ITPKA: variants seen among roughly 807,000 people sequenced by gnomAD.
The protein encoded by ITPKA is IP3 3-kinase A.
ITPKA carries 16 observed loss-of-function variants against 40.7 expected under a neutral mutation model. The observed-to-expected ratio is 0.39, with a 90% CI of 0.27 to 0.60. The LOEUF is 0.60. Among genes scored for constraint, ITPKA ranks in the 20% least tolerant of loss-of-function variants. The pLI, the probability that ITPKA is intolerant of heterozygous loss-of-function variation, is 0.50. For missense variants in ITPKA, 540 were observed against 649.3 expected (o/e 0.83, Z 1.83); for synonymous variants, 313 against 289.9 (o/e 1.08, Z -0.81).
chr15:41,495,620 C>T (rs1050057826), intron 1 of ITPKA, among the ~76,000 whole-genome samples: 2 of 152,132 alleles, frequency 1.3e-5, no homozygotes. Flanking sequence ...CCCCTTCTTC[C>T]CCGGTGGTCA....
At chr15:41,496,331 C>T (rs2051071096) in intron 1 of ITPKA, among the ~76,000 whole-genome samples, 3 of 152,234 alleles carry the variant, frequency 2.0e-5, no homozygotes, top group African/African-American at 7.2e-5. Context: ...ACGCGCGGCC[C>T]AGGCAGGCCG....
chr15:41,502,043 C>G lies in ITPKA; in HGVS notation c.850C>G (p.Leu284Val). The change falls in exon 4 of 7, where the codon CTG (leucine) becomes GTG (valine). Residue 284 changes from leucine to valine, a missense_variant. Leu to Val is a conservative substitution (Grantham distance 32). Coordinates refer to ENST00000260386, the MANE Select transcript of ITPKA (RefSeq NM_002220.3). The stretch of plus-strand genomic sequence containing the variant: ...GACCAAGGCCCGTGAGCGGCCCAAG[C>G]TGCGGAAGGACATGTACAAGAAAAT... ...ELTKARERPK[L>V]RKDMYKKMLA... 6.2e-7 allele frequency: 1 copy of G among 1,613,392 alleles called. No homozygotes were observed. The highest frequency in any genetic ancestry group is 8.5e-7 in the Non-Finnish European group (1 of 1,179,950).
chr15:41,503,215 A>T lies in ITPKA; in HGVS notation c.*49A>T. ...CCGCTCACCTGACATGTGGACCTGC[A>T]GCTTTGTCCCCACTGTGCATGCCGG... On this transcript the variant is annotated 3_prime_UTR_variant, in exon 7 of 7. Coordinates refer to ENST00000260386, the MANE Select transcript of ITPKA (RefSeq NM_002220.3). 7.3e-7 allele frequency: 1 copy of T among 1,378,668 alleles called. No homozygotes were observed. The highest frequency in any genetic ancestry group is 2.1e-5 in the Admixed American group (1 of 48,778). The allele number at this position is 1,378,668 out of a possible 1,614,324, so 85.4% of individuals were successfully genotyped here.
intron 1 of ITPKA, among the ~76,000 whole-genome samples, chr15:41,495,045 G>C (rs1356673797): frequency 6.6e-6 from 1 of 152,230 alleles, no homozygotes; most frequent in African/African-American, 2.4e-5. Flanking sequence ...CGCCGCTCCT[G>C]AGCGCGGCAG....
rs55638544 is a variant in ITPKA, at chr15:41,494,627, C to T, written c.489+211C>T. Among the ~76,000 whole-genome samples the T allele has an allele frequency of 0.011, 1,703 of 152,156 alleles. 23 individuals carry two copies. Among genetic ancestry groups the T allele is most frequent in the Non-Finnish European group, 0.017 (1,163 of 67,980 alleles). On this transcript the variant is annotated intron_variant, in intron 1 of 6. Coordinates refer to ENST00000260386, the MANE Select transcript of ITPKA (RefSeq NM_002220.3). The surrounding 1 kb of genome is among the most constrained non-coding windows in gnomAD (Gnocchi z 7.8). The stretch of plus-strand genomic sequence containing the variant: ...CCTCGGCTCCGCCGGCGGGTCGTGG[C>T]GCTGGCCCTGGGGCGTCTAAGAAGC...
At chr15:41,497,716 A>G (rs1020197803) in intron 1 of ITPKA, among the ~76,000 whole-genome samples, 5 of 152,116 alleles carry the variant, frequency 3.3e-5, no homozygotes, top group African/African-American at 1.2e-4. Flanking sequence ...AGATGAGATA[A>G]TAGGTATGAA....
chr15:41,499,890 A>C (rs1042891985), intron 1 of ITPKA, among the ~76,000 whole-genome samples: 2 of 152,122 alleles, frequency 1.3e-5, no homozygotes, highest in African/African-American at 4.8e-5. Flanking sequence ...AAAACAAAAA[A>C]CAAAAAACAA....
intron 4 of ITPKA, 83 bp from the exon 5 acceptor site, chr15:41,502,319 C>A: frequency 1.4e-6 from 2 of 1,387,040 alleles, no homozygotes; most frequent in Non-Finnish European, 2.0e-6. Context: ...CCGTCCCCTG[C>A]AACTGGGAGG....
At chr15:41,502,937 G>C in intron 6 of ITPKA, 26 bp from the exon 7 acceptor site, 1 of 1,596,826 alleles carries the variant, frequency 6.3e-7, no homozygotes, top group Non-Finnish European at 8.5e-7. Context: ...GGGCAGGGCC[G>C]CGGCCTGACG....
At chr15:41,501,384 C>T (rs1221977659) in intron 1 of ITPKA, 79 bp from the exon 2 acceptor site, 14 of 1,533,768 alleles carry the variant, frequency 9.1e-6, no homozygotes, top group Non-Finnish European at 1.2e-5. Context: ...GGGGGCGTGG[C>T]GAGACCCTGT....
In ITPKA at chr15:41,494,280, G is replaced by T; in HGVS notation, c.353G>T (p.Arg118Leu). 6.5e-7 allele frequency: 1 copy of T among 1,547,942 alleles called. No individual in the cohort carries two copies. Among genetic ancestry groups the T allele is most frequent in the Non-Finnish European group, 8.7e-7 (1 of 1,154,716 alleles). ...AAGSSHLQQP[R>L]RLSTSSVSST... ...GGCTCTTCGCACCTGCAGCAGCCGC[G>T]CCGCCTTTCCACCTCGTCGGTCTCC... Residue 118 changes from arginine to leucine, a missense_variant, in exon 1 of 7, where the codon CGC (arginine) becomes CTC (leucine). Coordinates refer to ENST00000260386, the MANE Select transcript of ITPKA (RefSeq NM_002220.3). The surrounding 1 kb of genome is among the most constrained non-coding windows in gnomAD (Gnocchi z 7.8).
At chr15:41,501,903 C>T (rs1158789116) in intron 3 of ITPKA, 52 bp downstream of exon 3, 3 of 1,594,364 alleles carry the variant, frequency 1.9e-6, no homozygotes, top group Non-Finnish European at 2.6e-6. Flanking sequence ...GGTCCGGGGC[C>T]GGGACAGCTG....
chr15:41,499,091 A>G (rs1046054593), intron 1 of ITPKA, among the ~76,000 whole-genome samples: 1 of 152,220 alleles, frequency 6.6e-6, no homozygotes, highest in Non-Finnish European at 1.5e-5. Context: ...GCTGCTGAAT[A>G]TACATGGCAC....
chr15:41,496,634 C>T (rs2051074383), intron 1 of ITPKA, among the ~76,000 whole-genome samples: 1 of 152,194 alleles, frequency 6.6e-6, no homozygotes, highest in African/African-American at 2.4e-5. Flanking sequence ...TCCTGTTCAT[C>T]TGGTTTTCTT....
At chr15:41,496,919 T>C (rs1007633854) in intron 1 of ITPKA, among the ~76,000 whole-genome samples, 10 of 152,080 alleles carry the variant, frequency 6.6e-5, no homozygotes, top group African/African-American at 2.4e-4. Context: ...GGTATTGGGC[T>C]GGTAGAGAGC....
intron 4 of ITPKA, 79 bp downstream of exon 4, chr15:41,502,280 C>CT: frequency 7.4e-7 from 1 of 1,350,764 alleles, no homozygotes. Flanking sequence ...CCCGCCCCGC[C>CT]TGCCCCTCCG....
Position 41,494,928 on chromosome 15 carries a change from C to T in ITPKA, c.489+512C>T, listed in dbSNP as rs1477560250. Among the ~76,000 whole-genome samples, 1 of 152,224 alleles carries T rather than the reference C, an allele frequency of 6.6e-6. No individual in the cohort carries two copies. The highest frequency in any genetic ancestry group is 1.5e-5 in the Non-Finnish European group (1 of 68,036). On this transcript the variant is annotated intron_variant, in intron 1 of 6. Transcript: ENST00000260386. This position sits in a 1 kb window ranked among gnomAD's most constrained non-coding sequence, Gnocchi z 7.8. ...GCCGCTGCCGTCTGCTCCCAGCGCC[C>T]GCACGAGGCGTGGACGCAGGGGAGG...
At chr15:41,496,226 T>G (rs1046221693) in intron 1 of ITPKA, among the ~76,000 whole-genome samples, 3 of 152,170 alleles carry the variant, frequency 2.0e-5, no homozygotes, top group Non-Finnish European at 4.4e-5. Flanking sequence ...CCAGGCCAAT[T>G]TAGGGCTTCC....
rs946278842 is a variant in ITPKA at position 41,495,567 on chromosome 15, G to T, written c.489+1151G>T. 9.2e-5 allele frequency among the ~76,000 whole-genome samples: 14 copies of T among 152,176 alleles called. 1 individual carries two copies. The highest frequency in any genetic ancestry group is 8.5e-4 in the Admixed American group (13 of 15,280). On this transcript the variant is annotated intron_variant, in intron 1 of 6. Coordinates refer to ENST00000260386, the MANE Select transcript of ITPKA (RefSeq NM_002220.3). Reference sequence around the variant, plus strand: ...TCACAGAGCAGGAACACCCCCCGCCGCCAGGTGCTGGGTGCGCCGGCTCGG... The same window carrying T: ...TCACAGAGCAGGAACACCCCCCGCCTCCAGGTGCTGGGTGCGCCGGCTCGG...
Sources: allele counts gnomAD v4.1 joint callset (sites outside exome capture counted in the v4.1 genomes callset), GRCh38; gene constraint gnomAD v4.1.1; non-coding constraint Gnocchi (gnomAD v3.1); transcripts MANE v1.5; gene names NCBI Gene and HGNC (gene_info 2026-07-23, HGNC 2026-07-21).